The following SNRNP70 variants were observed in gnomAD, a reference collection of about 807,000 sequenced individuals.
The protein encoded by SNRNP70 is small nuclear ribonucleoprotein U1 subunit 70.
Under a neutral mutation model 50.5 loss-of-function variants are expected in SNRNP70, and 8 were observed. That is an observed-to-expected ratio of 0.16 (90% CI 0.09 to 0.29). The LOEUF (loss-of-function observed/expected upper bound fraction) is 0.29, where lower values mean the gene tolerates loss of function less well. SNRNP70 is among the 10% of genes least tolerant of loss of function. The probability of loss-of-function intolerance (pLI) is 1.00; values close to 1 mark genes in which losing one functional copy is unlikely to be tolerated. For missense variants in SNRNP70, 529 were observed against 663.5 expected (o/e 0.80, Z 2.23); for synonymous variants, 320 against 252.9 (o/e 1.27, Z -2.52).
intron 4 of SNRNP70, among the ~76,000 whole-genome samples, chr19:49,094,036 A>G (rs890164962): frequency 6.6e-6 from 1 of 151,526 alleles, no homozygotes; most frequent in Non-Finnish European, 1.5e-5. Context: ...AAAACAAACA[A>G]GTAAGTTCCA....
At chr19:49,099,194 C>A (rs978781274) in intron 6 of SNRNP70, among the ~76,000 whole-genome samples, 1 of 152,208 alleles carries the variant, frequency 6.6e-6, no homozygotes, top group Non-Finnish European at 1.5e-5. Context: ...CATGCCTTCA[C>A]TGGGCAGTAG....
chr19:49,102,084 A>G (rs935078289), intron 7 of SNRNP70: 1 of 1,199,584 alleles, frequency 8.3e-7, no homozygotes, highest in South Asian at 1.3e-5. Flanking sequence ...GGGCCGCCGT[A>G]TTAATTGACT....
At chr19:49,101,956 G>T (rs2040594042) in intron 7 of SNRNP70, among the ~76,000 whole-genome samples, 1 of 151,684 alleles carries the variant, frequency 6.6e-6, no homozygotes, top group African/African-American at 2.4e-5. Context: ...CGGGCAGTGG[G>T]GTGATAGGCA....
intron 7 of SNRNP70, chr19:49,103,812 TCTCCCCTCTACGA>T (rs2040625113): frequency 6.6e-6 from 1 of 152,626 alleles, no homozygotes; most frequent in Non-Finnish European, 1.5e-5. Flanking sequence ...CTCTCCCCCG[TCTCCCCTCTACGA>T]CTCCCCTTTC....
Position 49,100,572 on chromosome 19 carries a change from C to T in SNRNP70, c.394-818C>T, listed in dbSNP as rs562768809. ...CCGTAATCCCAGCACTTTGGGAGGC[C>T]GAGAAGGGCAGATCATGAGGTCAGG... On this transcript the variant is annotated intron_variant, in intron 6 of 9. Transcript: ENST00000598441. 9.9e-5 allele frequency among the ~76,000 whole-genome samples: 15 copies of T among 152,204 alleles called. No homozygotes were observed. In the East Asian group the frequency reaches 2.1e-3, roughly 22 times the overall value.
intron 4 of SNRNP70, among the ~76,000 whole-genome samples, chr19:49,094,583 G>A (rs953294647): frequency 6.6e-5 from 10 of 152,080 alleles, no homozygotes; most frequent in Non-Finnish European, 5.9e-5. Flanking sequence ...ATGGGAGTTC[G>A]TTATACTGCT....
At chr19:49,096,434 G>A (rs948053663) in intron 4 of SNRNP70, among the ~76,000 whole-genome samples, 8 of 152,246 alleles carry the variant, frequency 5.3e-5, no homozygotes, top group Admixed American at 5.2e-4. Flanking sequence ...GTCCCAGATA[G>A]CGATTCCCTT....
chr19:49,102,642 T>C (rs1199264744), intron 7 of SNRNP70: 1 of 162,886 alleles, frequency 6.1e-6, no homozygotes, highest in Non-Finnish European at 1.4e-5. Flanking sequence ...CTGTCTTCCT[T>C]ACTGTGGTTG....
At chr19:49,088,208 T>C (rs2040405765) in intron 2 of SNRNP70, among the ~76,000 whole-genome samples, 1 of 145,786 alleles carries the variant, frequency 6.9e-6, no homozygotes, top group Non-Finnish European at 1.5e-5. Context: ...ACTTTTTTTT[T>C]TTTTTTTTTT....
intron 2 of SNRNP70, among the ~76,000 whole-genome samples, chr19:49,088,864 G>T (rs903002587): frequency 1.3e-5 from 2 of 152,168 alleles, no homozygotes; most frequent in Non-Finnish European, 2.9e-5. Context: ...AGGGTGTGCA[G>T]TTGTGGGCTT....
At chr19:49,098,600 A>T (rs1266410286) in intron 5 of SNRNP70, 42 bp from the exon 6 acceptor site, 1 of 1,601,868 alleles carries the variant, frequency 6.2e-7, no homozygotes, top group African/African-American at 1.3e-5. Flanking sequence ...GCTGTGGGAC[A>T]GCTCTGTTCT....
At position 49,107,703 on chromosome 19, in the gene SNRNP70, A is replaced by G. The variant is rs759273639; in HGVS notation, c.656A>G (p.Tyr219Cys). Residue 219 changes from tyrosine to cysteine, a missense_variant, in exon 9 of 10, where the codon TAC becomes TGC. Coordinates refer to ENST00000598441, the MANE Select transcript of SNRNP70 (RefSeq NM_003089.6). This position sits in a 1 kb window ranked among gnomAD's most constrained non-coding sequence, Gnocchi z 6.0. ...RHSGRDDTSR[Y>C]DERPGPSPLP... ...TCAGGCCGCGATGACACCTCCCGCT[A>G]CGATGAGAGGTAAGATTGGGCGACC... 22 of 1,613,856 alleles carry G rather than the reference A, an allele frequency of 1.4e-5. No homozygotes were observed. The highest frequency in any genetic ancestry group is 1.9e-5 in the Non-Finnish European group (22 of 1,179,970).
chr19:49,095,536 CTTTTTTTT>C (rs751326005), intron 4 of SNRNP70, among the ~76,000 whole-genome samples: 3 of 137,520 alleles, frequency 2.2e-5, no homozygotes, highest in African/African-American at 8.1e-5. Context: ...GGGTAGACAC[CTTTTTTTT>C]TTTTTTTTTG....
At chr19:49,097,314 T>C (rs2122348668) in intron 4 of SNRNP70, among the ~76,000 whole-genome samples, 1 of 152,258 alleles carries the variant, frequency 6.6e-6, no homozygotes, top group East Asian at 1.9e-4. Flanking sequence ...GTCTCGAGTT[T>C]GTTCTGTTTT....
chr19:49,101,586 C>G, intron 7 of SNRNP70, 115 bp downstream of exon 7: 1 of 708,486 alleles, frequency 1.4e-6, no homozygotes, highest in Non-Finnish European at 2.6e-6. Flanking sequence ...AGCGATGTCT[C>G]TTCTCCTCCT....
intron 6 of SNRNP70, among the ~76,000 whole-genome samples, chr19:49,099,898 G>A (rs1482530964): frequency 3.3e-5 from 5 of 152,126 alleles, no homozygotes; most frequent in African/African-American, 1.2e-4. Context: ...AAGATTAGCC[G>A]AGTGTGGTGT....
chr19:49,106,544 G>A (rs986491654), intron 8 of SNRNP70, among the ~76,000 whole-genome samples: 4 of 152,132 alleles, frequency 2.6e-5, no homozygotes, highest in Admixed American at 1.3e-4. Flanking sequence ...TGCCTGGTCC[G>A]CTGCCTGCTT....
chr19:49,088,558 G>A (rs1406164527), intron 2 of SNRNP70, among the ~76,000 whole-genome samples: 3 of 146,812 alleles, frequency 2.0e-5, no homozygotes, highest in African/African-American at 5.1e-5. Flanking sequence ...GTGCAGTGGC[G>A]TGATCTAGGC....
chr19:49,098,382 A>C, intron 4 of SNRNP70, 45 bp from the exon 5 acceptor site: 1 of 1,488,624 alleles, frequency 6.7e-7, no homozygotes, highest in Non-Finnish European at 9.3e-7. Context: ...GCTACCTGAG[A>C]CCATGGACAC....
Sources: allele counts gnomAD v4.1 joint callset (sites outside exome capture counted in the v4.1 genomes callset), GRCh38; gene constraint gnomAD v4.1.1; non-coding constraint Gnocchi (gnomAD v3.1); transcripts MANE v1.5; gene names NCBI Gene and HGNC (gene_info 2026-07-23, HGNC 2026-07-21).